The following RBFOX1 variants were observed in gnomAD, a reference collection of about 807,000 sequenced individuals.
RBFOX1 encodes the protein RNA binding protein fox-1 homolog 1.
Under a neutral mutation model 57.7 loss-of-function variants are expected in RBFOX1, and 8 were observed. The observed-to-expected ratio is 0.14, with a 90% CI of 0.08 to 0.25. The LOEUF (loss-of-function observed/expected upper bound fraction) is 0.25, where lower values mean the gene tolerates loss of function less well. Ranked by LOEUF, RBFOX1 falls within the 10% of genes least tolerant of loss-of-function variation. The pLI, the probability that RBFOX1 is intolerant of heterozygous loss-of-function variation, is 1.00. For synonymous variants in RBFOX1, 326 were observed against 222.4 expected (o/e 1.47, Z -4.15); for missense variants, 611 against 548.5 (o/e 1.11, Z -1.14).
intron 1 of RBFOX1, among the ~76,000 whole-genome samples, chr16:5,266,132 G>A (rs2062851679): frequency 6.6e-6 from 1 of 152,088 alleles, no homozygotes; most frequent in Admixed American, 6.5e-5. Flanking sequence ...TAGAATGAAA[G>A]AGATCCTGAG....
In RBFOX1 at chr16:6,019,682, C is replaced by A; in HGVS notation, c.-437C>A. 7.5e-7 allele frequency: 1 copy of A among 1,337,716 alleles called. No individual in the cohort carries two copies. The highest frequency in any genetic ancestry group is 9.6e-7 in the Non-Finnish European group (1 of 1,044,570). The allele number at this position is 1,337,716 out of a possible 1,614,324, so 82.9% of individuals were successfully genotyped here. On this transcript the variant is annotated 5_prime_UTR_variant, in exon 1 of 16. Coordinates refer to ENST00000550418, the MANE Select transcript of RBFOX1 (RefSeq NM_018723.4). This position sits in a 1 kb window ranked among gnomAD's most constrained non-coding sequence, Gnocchi z 4.2. ...CGCCCCGGCGTCCGGAGCAGGAGAA[C>A]TCCGAGCTTCTTGCCCAGGCAGAGA...
At chr16:7,337,657 G>T (rs993444967) in intron 4 of RBFOX1, among the ~76,000 whole-genome samples, 6 of 152,074 alleles carry the variant, frequency 3.9e-5, no homozygotes, top group African/African-American at 1.4e-4. Flanking sequence ...ACTCACGCAG[G>T]TGAATGTTTT....
chr16:6,673,705 C>CCTGG (rs2098782574), intron 3 of RBFOX1, among the ~76,000 whole-genome samples: 2 of 152,132 alleles, frequency 1.3e-5, no homozygotes, highest in South Asian at 4.2e-4. Context: ...GACCCATGTG[C>CCTGG]CTGGCAGAGA....
At chr16:6,196,568 C>CA (rs2097181365) in intron 1 of RBFOX1, among the ~76,000 whole-genome samples, 1 of 152,124 alleles carries the variant, frequency 6.6e-6, no homozygotes, top group African/African-American at 2.4e-5. Context: ...ATCCACCCCC[C>CA]AAATGTGAAT....
At chr16:6,944,978 C>T (rs1409229370) in intron 3 of RBFOX1, among the ~76,000 whole-genome samples, 1 of 152,090 alleles carries the variant, frequency 6.6e-6, no homozygotes, top group South Asian at 2.1e-4. Context: ...ACTCTTTGCT[C>T]CTCCTGGGTG....
At chr16:7,377,846 G>C (rs2097712719) in intron 4 of RBFOX1, among the ~76,000 whole-genome samples, 1 of 152,178 alleles carries the variant, frequency 6.6e-6, no homozygotes, top group South Asian at 2.1e-4. Flanking sequence ...GCACAGTGAA[G>C]TGAAATATGC....
intron 4 of RBFOX1, among the ~76,000 whole-genome samples, chr16:7,337,655 A>C (rs1334687868): frequency 1.3e-5 from 2 of 152,106 alleles, no homozygotes; most frequent in Non-Finnish European, 2.9e-5. Flanking sequence ...TGACTCACGC[A>C]GGTGAATGTT....
At position 7,017,630 on chromosome 16, in the gene RBFOX1, A is replaced by G. The variant is rs375863841; in HGVS notation, c.-15-34427A>G. 2.0e-5 allele frequency among the ~76,000 whole-genome samples: 3 copies of G among 152,256 alleles called. No homozygotes were observed. The East Asian group carries it at 5.8e-4, about 29-fold the overall frequency. ...AGGTACATTGTGGCCTCAGGTTGAA[A>G]TGAGTGTTGCTTTGTCTCATGGCTG... On this transcript the variant is annotated intron_variant, in intron 3 of 15. Transcript: ENST00000550418.
intron 3 of RBFOX1, among the ~76,000 whole-genome samples, chr16:7,012,487 C>T (rs749156808): frequency 3.9e-5 from 6 of 152,162 alleles, no homozygotes; most frequent in Admixed American, 6.5e-5. Flanking sequence ...ATTTCCCAAG[C>T]CATGTTAATA....
At chr16:5,336,126 C>T (rs1436714364) in intron 1 of RBFOX1, among the ~76,000 whole-genome samples, 5 of 151,990 alleles carry the variant, frequency 3.3e-5, no homozygotes, top group Non-Finnish European at 5.9e-5. Context: ...TTTTTTGGCT[C>T]GGAGTTCATC....
At chr16:5,578,602 G>A (rs1158060973) in intron 2 of RBFOX1, among the ~76,000 whole-genome samples, 1 of 152,166 alleles carries the variant, frequency 6.6e-6, no homozygotes, top group Non-Finnish European at 1.5e-5. Flanking sequence ...CCTGGCATGG[G>A]AGAAAAAGCC....
At chr16:7,053,957 A>G (rs1216720163) in intron 4 of RBFOX1, among the ~76,000 whole-genome samples, 3 of 152,104 alleles carry the variant, frequency 2.0e-5, no homozygotes, top group Admixed American at 6.6e-5. Context: ...ATAGTACCAA[A>G]GAGAGTGCAA....
At chr16:7,596,094 G>GT (rs78570087) in intron 8 of RBFOX1, among the ~76,000 whole-genome samples, 11 of 137,752 alleles carry the variant, frequency 8.0e-5, no homozygotes, top group Admixed American at 5.0e-4. Flanking sequence ...TTTTTTGTTT[G>GT]TTTTTTTTTG....
intron 2 of RBFOX1, among the ~76,000 whole-genome samples, chr16:6,526,219 G>A (rs1251104056): frequency 1.3e-5 from 2 of 152,116 alleles, no homozygotes; most frequent in Non-Finnish European, 2.9e-5. Context: ...AAAAAAGAGG[G>A]GGCTCACCCC....
intron 2 of RBFOX1, among the ~76,000 whole-genome samples, chr16:6,492,866 C>G (rs535215608): frequency 2.6e-4 from 39 of 152,250 alleles, no homozygotes; most frequent in Middle Eastern, 3.4e-3. Context: ...TGTTAGAAAG[C>G]AAACATACAC....
chr16:6,555,117 C>G (rs563275609), intron 2 of RBFOX1, among the ~76,000 whole-genome samples: 1 of 152,254 alleles, frequency 6.6e-6, no homozygotes, highest in African/African-American at 2.4e-5. Flanking sequence ...TGCCTCCATT[C>G]TTATGTCTCA....
chr16:7,427,819 A>T (rs929384024), intron 4 of RBFOX1, among the ~76,000 whole-genome samples: 4 of 151,740 alleles, frequency 2.6e-5, no homozygotes, highest in African/African-American at 9.7e-5. Context: ...ACGCCCAGTT[A>T]GTTTTCATAT....
chr16:5,900,255 T>G (rs950458260), intron 4 of RBFOX1, among the ~76,000 whole-genome samples: 3 of 152,174 alleles, frequency 2.0e-5, no homozygotes, highest in African/African-American at 7.2e-5. Flanking sequence ...CATACTGAAT[T>G]TCTAACACAA....
intron 3 of RBFOX1, among the ~76,000 whole-genome samples, chr16:6,995,826 C>T (rs996199914): frequency 3.3e-5 from 5 of 152,114 alleles, no homozygotes; most frequent in Non-Finnish European, 7.4e-5. Context: ...GGTACTTACA[C>T]TTGAGATTGG....
Sources: allele counts gnomAD v4.1 joint callset (sites outside exome capture counted in the v4.1 genomes callset), GRCh38; gene constraint gnomAD v4.1.1; non-coding constraint Gnocchi (gnomAD v3.1); transcripts MANE v1.5; gene names NCBI Gene and HGNC (gene_info 2026-07-23, HGNC 2026-07-21).